The following NKAIN3 variants were observed in gnomAD, a reference collection of about 807,000 sequenced individuals.
The protein encoded by NKAIN3 is sodium/potassium-transporting ATPase subunit beta-1-interacting protein 3.
NKAIN3 carries 25 observed loss-of-function variants against 30.2 expected under a neutral mutation model. That is an observed-to-expected ratio of 0.83 (90% CI 0.60 to 1.16). NKAIN3 has a LOEUF of 1.16. NKAIN3 is among the 50% of genes most tolerant of loss of function. The probability of loss-of-function intolerance (pLI) is 0.00; values close to 1 mark genes in which losing one functional copy is unlikely to be tolerated. For synonymous variants in NKAIN3, 91 were observed against 89.6 expected (o/e 1.02, Z -0.09); for missense variants, 225 against 254.1 (o/e 0.89, Z 0.78).
At chr8:62,847,533 T>C (rs1819727034) in intron 4 of NKAIN3, among the ~76,000 whole-genome samples, 1 of 152,018 alleles carries the variant, frequency 6.6e-6, no homozygotes. Flanking sequence ...AATGGAGTTG[T>C]TTGGTTTTCT....
At chr8:62,954,021 C>A in intron 6 of NKAIN3, 49 bp downstream of exon 6, 1 of 536,572 alleles carries the variant, frequency 1.9e-6, no homozygotes, top group Non-Finnish European at 2.4e-6. Flanking sequence ...TCTAACTCAG[C>A]CAAAACTAAC....
intron 1 of NKAIN3, among the ~76,000 whole-genome samples, chr8:62,528,173 G>GAC (rs1563441227): frequency 6.8e-6 from 1 of 147,116 alleles, no homozygotes; most frequent in African/African-American, 2.5e-5. Flanking sequence ...CTACTCTCCT[G>GAC]ATATATATAT....
At chr8:62,926,504 C>T (rs993299987) in intron 5 of NKAIN3, among the ~76,000 whole-genome samples, 4 of 151,850 alleles carry the variant, frequency 2.6e-5, no homozygotes, top group African/African-American at 9.7e-5. Context: ...CTCCAGGGGC[C>T]TCCCACTCAT....
At position 62,490,206 on chromosome 8, in the gene NKAIN3, T is replaced by C. The variant is rs558509061; in HGVS notation, c.55-89333T>C. On this transcript the variant is annotated intron_variant, in intron 1 of 6. Coordinates refer to ENST00000623646, the MANE Select transcript of NKAIN3 (RefSeq NM_001304533.3). ...ATTAAAGTTCATAACCAGTTGACTT[T>C]AATGTGGCCAAGCCTGATTCAATCA... is the stretch of plus-strand genomic sequence containing the variant. Among the ~76,000 whole-genome samples the C allele has an allele frequency of 2.0e-5, 3 of 152,268 alleles. No homozygotes were observed. The South Asian group carries it at 6.2e-4, about 32-fold the overall frequency.
At chr8:62,885,168 T>C (rs943189180) in intron 4 of NKAIN3, among the ~76,000 whole-genome samples, 1 of 152,242 alleles carries the variant, frequency 6.6e-6, no homozygotes. Flanking sequence ...TATCACAAAT[T>C]TTGTTGTTTT....
intron 1 of NKAIN3, among the ~76,000 whole-genome samples, chr8:62,412,142 G>C (rs1232383826): frequency 2.0e-5 from 3 of 152,034 alleles, no homozygotes; most frequent in African/African-American, 7.2e-5. Flanking sequence ...AAGGCCAAAG[G>C]CATCACACTA....
intron 4 of NKAIN3, among the ~76,000 whole-genome samples, chr8:62,785,180 C>T (rs1194040586): frequency 1.3e-5 from 2 of 152,134 alleles, no homozygotes; most frequent in Non-Finnish European, 2.9e-5. Context: ...AGCAACTTTA[C>T]TCATAACAGC....
At chr8:62,662,065 C>T (rs1450343355) in intron 3 of NKAIN3, among the ~76,000 whole-genome samples, 2 of 152,122 alleles carry the variant, frequency 1.3e-5, no homozygotes, top group Non-Finnish European at 2.9e-5. Flanking sequence ...GTCACTTAGC[C>T]CCCACCAAAA....
At chr8:62,705,615 GTTC>G (rs1181188240) in intron 3 of NKAIN3, among the ~76,000 whole-genome samples, 2 of 152,064 alleles carry the variant, frequency 1.3e-5, no homozygotes, top group Non-Finnish European at 2.9e-5. Flanking sequence ...ATTCTGGACT[GTTC>G]TTCTATTTCT....
intron 3 of NKAIN3, among the ~76,000 whole-genome samples, chr8:62,679,837 C>A (rs1024458126): frequency 6.6e-6 from 1 of 152,138 alleles, no homozygotes; most frequent in African/African-American, 2.4e-5. Context: ...CTGGGGATTA[C>A]AATTCAACAT....
intron 3 of NKAIN3, among the ~76,000 whole-genome samples, chr8:62,619,921 G>A (rs1451888500): frequency 6.6e-6 from 1 of 152,094 alleles, no homozygotes; most frequent in Admixed American, 6.5e-5. Flanking sequence ...TATACTGTAA[G>A]GGAGGAAAAA....
At chr8:62,736,011 G>A (rs1268351894) in intron 3 of NKAIN3, among the ~76,000 whole-genome samples, 1 of 152,210 alleles carries the variant, frequency 6.6e-6, no homozygotes, top group Non-Finnish European at 1.5e-5. Context: ...AGGTCTCTCA[G>A]CCATGGATAC....
chr8:62,748,323 T>A (rs1461331266), intron 4 of NKAIN3, among the ~76,000 whole-genome samples: 2 of 152,022 alleles, frequency 1.3e-5, no homozygotes, highest in Non-Finnish European at 2.9e-5. Flanking sequence ...CTCCTGCACA[T>A]GCACATGGCT....
At chr8:62,652,969 G>A (rs970346582) in intron 3 of NKAIN3, among the ~76,000 whole-genome samples, 4 of 152,070 alleles carry the variant, frequency 2.6e-5, no homozygotes, top group Non-Finnish European at 4.4e-5. Context: ...CCAGGAAAGG[G>A]GGAATGTGAT....
chr8:62,735,643 T>A (rs369070067), intron 3 of NKAIN3, among the ~76,000 whole-genome samples: 1 of 152,232 alleles, frequency 6.6e-6, no homozygotes, highest in African/African-American at 2.4e-5. Flanking sequence ...CTTTTTCTGG[T>A]GATTCAGCGA....
At chr8:62,652,887 A>G (rs1057467093) in intron 3 of NKAIN3, among the ~76,000 whole-genome samples, 2 of 152,098 alleles carry the variant, frequency 1.3e-5, no homozygotes, top group Non-Finnish European at 2.9e-5. Context: ...CAAAGTCAAA[A>G]CTCAGGTCTG....
At chr8:62,348,859 A>G (rs1816093407) in intron 1 of NKAIN3, among the ~76,000 whole-genome samples, 2 of 152,184 alleles carry the variant, frequency 1.3e-5, no homozygotes, top group African/African-American at 4.8e-5. Context: ...ATATTGAACT[A>G]AGAAATACGA....
intron 4 of NKAIN3, among the ~76,000 whole-genome samples, chr8:62,791,662 A>C (rs1053044159): frequency 6.6e-6 from 1 of 152,096 alleles, no homozygotes; most frequent in Non-Finnish European, 1.5e-5. Context: ...AGTGTTTCTA[A>C]CACTGTAAAT....
chr8:62,589,730 C>T lies in NKAIN3; in HGVS notation c.209C>T (p.Ala70Val), dbSNP rs750949067. The T allele has an allele frequency of 6.3e-7, 1 of 1,594,864 alleles. No individual in the cohort carries two copies. The highest frequency in any genetic ancestry group is 1.1e-5 in the South Asian group (1 of 90,200). The change falls in exon 3 of 7, where the codon GCC (alanine) becomes GTC (valine). Residue 70 changes from alanine to valine, a missense_variant. Ala to Val is a moderately conservative substitution (Grantham distance 64). Transcript: ENST00000623646. ...RYIMVYTVWT[A>V]LWVTWNVFII... Reference sequence around the variant, plus strand: ...TCTATCTAGTATACAGTGTGGACTGCCCTCTGGGTCACCTGGAATGTGTTC... The same window carrying T: ...TCTATCTAGTATACAGTGTGGACTGTCCTCTGGGTCACCTGGAATGTGTTC...
Sources: gnomAD v4.1 joint callset for allele counts (sites outside exome capture counted in the v4.1 genomes callset) on GRCh38, gnomAD v4.1.1 for gene constraint, MANE v1.5 for transcripts, NCBI Gene and HGNC (gene_info 2026-07-23, HGNC 2026-07-21) for gene names.